The following LAMA1 variants were observed in gnomAD, a reference collection of about 807,000 sequenced individuals.
LAMA1 encodes laminin subunit alpha 1, also known as laminin subunit alpha-1.
LAMA1 carries 219 observed loss-of-function variants against 348.7 expected under a neutral mutation model. The ratio of observed to expected loss-of-function variants is 0.63; its 90% CI spans 0.56 to 0.70. LAMA1 has a LOEUF of 0.70. Among genes scored for constraint, LAMA1 ranks in the 30% least tolerant of loss-of-function variants. The pLI is 0.00. For synonymous variants in LAMA1, 1,487 were observed against 1,491.0 expected (o/e 1.00, Z 0.06); for missense variants, 3,744 against 3,888.0 (o/e 0.96, Z 0.99).
intron 42 of LAMA1, 26 bp downstream of exon 42, chr18:6,980,495 T>C: frequency 1.5e-6 from 2 of 1,321,292 alleles, no homozygotes; most frequent in South Asian, 1.2e-5. Flanking sequence ...AGACGTTATT[T>C]ACAGAAGAAA....
Position 6,949,165 on chromosome 18 carries a change from T to A in LAMA1, c.8492A>T (p.Asp2831Val). Residue 2831 changes from aspartate (D) to valine (V), a missense_variant, in exon 59 of 63, where the codon GAT (aspartate) becomes GTT (valine). By Grantham distance (152) the Asp-to-Val change is radical. Transcript: ENST00000389658. ...TCCTAGGTAGAACAAACCCTCCACATCCAGCATGGTTCCATCTCCCACCAC... is the reference window on the plus strand; with the variant it reads ...TCCTAGGTAGAACAAACCCTCCACAACCAGCATGGTTCCATCTCCCACCAC... ...VTVVGDGTML[D>V]VEGLFYLGGL... 6.2e-7 allele frequency: 1 copy of A among 1,614,170 alleles called. No individual in the cohort carries two copies. Among genetic ancestry groups the A allele is most frequent in the Non-Finnish European group, 8.5e-7 (1 of 1,180,016 alleles).
Position 6,999,618 on chromosome 18 carries a change from C to A in LAMA1, c.4490G>T (p.Gly1497Val). 6.2e-7 allele frequency: 1 copy of A among 1,612,760 alleles called. No homozygotes were observed. Among genetic ancestry groups the A allele is most frequent in the East Asian group, 2.2e-5 (1 of 44,832 alleles). Residue 1497 changes from glycine (G) to valine (V), a missense_variant, in exon 32 of 63, where the codon GGG becomes GTG. Around this residue, in one of 3 missense-constraint regions of LAMA1, gnomAD observed 1,983 missense variants for 1,934.3 expected, o/e 1.03. Coordinates refer to ENST00000389658, the MANE Select transcript of LAMA1 (RefSeq NM_005559.4). ...HCERCSSSYY[G>V]NPQTPGGSCQ... ...ACTGCCACCTGGTGTTTGAGGGTTCCCATAATAGCTTGAGGAGCACCTACA... is the reference window on the plus strand; with the variant it reads ...ACTGCCACCTGGTGTTTGAGGGTTCACATAATAGCTTGAGGAGCACCTACA...
intron 3 of LAMA1, chr18:7,076,783 T>C (rs573165066): frequency 2.0e-5 from 3 of 152,296 alleles, no homozygotes; most frequent in South Asian, 4.1e-4. Context: ...AATGGTATGG[T>C]ATCTAATCAG....
intron 35 of LAMA1, among the ~76,000 whole-genome samples, chr18:6,993,035 T>A (rs2057765454): frequency 6.6e-6 from 1 of 152,212 alleles, no homozygotes; most frequent in Non-Finnish European, 1.5e-5. Flanking sequence ...AAATAAATGT[T>A]CTCAATAAAT....
At chr18:7,069,036 T>G (rs2058135290) in intron 3 of LAMA1, among the ~76,000 whole-genome samples, 1 of 152,224 alleles carries the variant, frequency 6.6e-6, no homozygotes, top group Admixed American at 6.5e-5. Context: ...CGGATTTCCC[T>G]GAATCCTCCC....
At chr18:6,967,911 C>T (rs528661495) in intron 48 of LAMA1, among the ~76,000 whole-genome samples, 1 of 151,998 alleles carries the variant, frequency 6.6e-6, no homozygotes, top group African/African-American at 2.4e-5. Flanking sequence ...CAAACAGGGC[C>T]TGCTGGAGTG....
Position 6,959,460 on chromosome 18 carries a change from G to A in LAMA1, c.7659C>T (p.Asn2553=), listed in dbSNP as rs143933905. The change falls in exon 54 of 63, where the codon AAC becomes AAT. Residue 2553 remains asparagine, a synonymous_variant. Transcript: ENST00000389658. Reference sequence around the variant, plus strand: ...CCCCAGGATTGACATGTACCTCAATGTTGCCTCCGATCAGCATGACGGAAA... The same window carrying A: ...CCCCAGGATTGACATGTACCTCAATATTGCCTCCGATCAGCATGACGGAAA... The part of the protein sequence containing the change: ...PFFSVMLIGG[N]IEVHVNPGDG... 1.2e-6 allele frequency: 2 copies of A among 1,614,174 alleles called. No individual in the cohort carries two copies. Among genetic ancestry groups the A allele is most frequent in the Non-Finnish European group, 1.7e-6 (2 of 1,180,038 alleles).
chr18:7,098,195 G>T (rs890503376), intron 1 of LAMA1, among the ~76,000 whole-genome samples: 2 of 151,886 alleles, frequency 1.3e-5, no homozygotes, highest in Non-Finnish European at 2.9e-5. Context: ...ATCTCGGCTC[G>T]CTACAACCTC....
intron 5 of LAMA1, among the ~76,000 whole-genome samples, chr18:7,047,928 C>T (rs886540125): frequency 3.3e-5 from 5 of 152,072 alleles, no homozygotes; most frequent in African/African-American, 1.2e-4. Flanking sequence ...TATACAGCTA[C>T]TAAAAGAAAG....
intron 1 of LAMA1, among the ~76,000 whole-genome samples, chr18:7,101,381 C>T (rs897720330): frequency 6.6e-5 from 10 of 152,142 alleles, no homozygotes; most frequent in African/African-American, 2.4e-4. Flanking sequence ...CTGAAATGTC[C>T]TGTATCCAGC....
chr18:6,947,376 T>G (rs2143967580), intron 60 of LAMA1, 80 bp from the exon 61 acceptor site: 2 of 1,565,310 alleles, frequency 1.3e-6, no homozygotes, highest in Non-Finnish European at 1.8e-6. Context: ...GGCTAGGGGT[T>G]GGGGGACCTG....
At chr18:6,974,766 C>A in intron 46 of LAMA1, 137 bp downstream of exon 46, 1 of 1,193,484 alleles carries the variant, frequency 8.4e-7, no homozygotes, top group Non-Finnish European at 1.2e-6. Context: ...CTACAGCTAA[C>A]CTAAACCAAG....
At chr18:7,078,369 T>C (rs1382022070) in intron 3 of LAMA1, among the ~76,000 whole-genome samples, 1 of 151,492 alleles carries the variant, frequency 6.6e-6, no homozygotes, top group Non-Finnish European at 1.5e-5. Context: ...GGTTTCACCG[T>C]GTTAGCCAGG....
intron 1 of LAMA1, among the ~76,000 whole-genome samples, chr18:7,094,412 G>A (rs1336708565): frequency 3.8e-5 from 5 of 132,516 alleles, no homozygotes; most frequent in Admixed American, 2.5e-4. Context: ...GGGTGACAGA[G>A]CAAGACTCCG....
intron 41 of LAMA1, among the ~76,000 whole-genome samples, chr18:6,982,246 G>A (rs1289853643): frequency 3.9e-5 from 6 of 152,142 alleles, no homozygotes; most frequent in Admixed American, 2.0e-4. Context: ...TTATGGACAG[G>A]TTAAAGATAG....
At chr18:7,010,427 T>C in intron 25 of LAMA1, 42 bp from the exon 26 acceptor site, 1 of 1,584,156 alleles carries the variant, frequency 6.3e-7, no homozygotes, top group Non-Finnish European at 8.7e-7. Context: ...TGACAAAGCT[T>C]TCATTCAAAA....
rs1324319222 is a variant in LAMA1 at position 6,980,640 on chromosome 18, A to T, written c.5891-3T>A. On this transcript the variant is annotated splice_region_variant and splice_polypyrimidine_tract_variant and intron_variant, in intron 41 of 62. Coordinates refer to ENST00000389658, the MANE Select transcript of LAMA1 (RefSeq NM_005559.4). ...TTCACTCAGTTCCAATGCAATACCT[A>T]TTTAAAGGGAGAAAAATGTTTCCTT... 6.4e-7 allele frequency: 1 copy of T among 1,558,304 alleles called. No individual in the cohort carries two copies. The highest frequency in any genetic ancestry group is 1.1e-5 in the South Asian group (1 of 89,824).
At chr18:6,982,431 A>T in intron 41 of LAMA1, 66 bp downstream of exon 41, 1 of 1,291,896 alleles carries the variant, frequency 7.7e-7, no homozygotes. Context: ...GAACATTCTT[A>T]GAGGCTGCTC....
intron 47 of LAMA1, among the ~76,000 whole-genome samples, 192 bp downstream of exon 47, chr18:6,972,864 AT>A (rs1205287854): frequency 1.6e-4 from 25 of 152,016 alleles, no homozygotes; most frequent in Non-Finnish European, 2.6e-4. Flanking sequence ...CTAATTTTGT[AT>A]TTTTAGTAGA....
Sources: allele counts gnomAD v4.1 joint callset (sites outside exome capture counted in the v4.1 genomes callset), GRCh38; gene constraint gnomAD v4.1.1; regional missense constraint gnomAD v4.1.1; transcripts MANE v1.5; gene names NCBI Gene and HGNC (gene_info 2026-07-23, HGNC 2026-07-21).